The following VPS50 variants were observed in gnomAD, a reference collection of about 807,000 sequenced individuals.
VPS50 encodes the protein VPS50 subunit of EARP/GARPII complex, also known as syndetin.
Under a neutral mutation model 139.7 loss-of-function variants are expected in VPS50, and 70 were observed. The ratio of observed to expected loss-of-function variants is 0.50; its 90% CI spans 0.41 to 0.61. The LOEUF (loss-of-function observed/expected upper bound fraction) is 0.61. Among genes scored for constraint, VPS50 ranks in the 20% least tolerant of loss-of-function variants. The probability of loss-of-function intolerance (pLI) is 0.00; values close to 1 mark genes in which losing one functional copy is unlikely to be tolerated. For missense variants in VPS50, 921 were observed against 1,133.7 expected (o/e 0.81, Z 2.69); for synonymous variants, 365 against 376.7 (o/e 0.97, Z 0.36).
intron 2 of VPS50, among the ~76,000 whole-genome samples, chr7:93,245,183 T>A (rs1242187360): frequency 2.6e-5 from 4 of 151,770 alleles, no homozygotes; most frequent in Non-Finnish European, 1.5e-5. Context: ...TTAATTTTTT[T>A]AAGAAAGATT....
At position 93,296,826 on chromosome 7, in the gene VPS50, A is replaced by G. The variant is rs771862065; in HGVS notation, c.1252A>G (p.Ile418Val). Residue 418 changes from isoleucine (I) to valine (V), a missense_variant, in exon 15 of 28, where the codon ATA becomes GTA. Ile to Val is a conservative substitution (Grantham distance 29). This residue lies in a region of VPS50 where 744 missense variants were observed against 930.6 expected (regional missense o/e 0.80). Coordinates refer to ENST00000305866, the MANE Select transcript of VPS50 (RefSeq NM_017667.4). ...TGATGATTTCATCTTTGTTTTGGAT[A>G]TAATCAGCAGGTAGTATTTAAGATC... Reference protein sequence around the residue: ...KYDDFIFVLDIISRLMQVGEE... With the variant: ...KYDDFIFVLDVISRLMQVGEE... 2.5e-6 allele frequency: 4 copies of G among 1,600,386 alleles called. No individual in the cohort carries two copies. The Admixed American group carries it at 7.0e-5, about 28-fold the overall frequency.
At position 93,344,146 on chromosome 7, in the gene VPS50, A is replaced by T. The variant is rs536428498; in HGVS notation, c.2207+2571A>T. 7.0e-4 allele frequency among the ~76,000 whole-genome samples: 106 copies of T among 152,306 alleles called. 1 individual carries two copies. The highest frequency in any genetic ancestry group is 2.4e-3 in the African/African-American group (101 of 41,570). On this transcript the variant is annotated intron_variant, in intron 23 of 27. Coordinates refer to ENST00000305866, the MANE Select transcript of VPS50 (RefSeq NM_017667.4). ...AAGGATGGAGGAAGATCTACCAAGCAAATCGAAAACAAAAAAAGGCAGGGG... is the reference window on the plus strand; with the variant it reads ...AAGGATGGAGGAAGATCTACCAAGCTAATCGAAAACAAAAAAAGGCAGGGG...
intron 22 of VPS50, among the ~76,000 whole-genome samples, chr7:93,341,106 C>T (rs746303913): frequency 6.6e-6 from 1 of 152,148 alleles, no homozygotes; most frequent in Non-Finnish European, 1.5e-5. Context: ...CTCTCATTTA[C>T]AAGTTCTTGA....
intron 2 of VPS50, among the ~76,000 whole-genome samples, chr7:93,245,266 A>G (rs924004767): frequency 4.0e-5 from 6 of 151,740 alleles, no homozygotes; most frequent in Non-Finnish European, 7.4e-5. Flanking sequence ...ACAGGAACAT[A>G]AGGTATAGGA....
Position 93,239,945 on chromosome 7 carries a change from A to G in VPS50, c.102+11A>G, listed in dbSNP as rs775684563. On this transcript the variant is annotated intron_variant, in intron 2 of 27. Coordinates refer to ENST00000305866, the MANE Select transcript of VPS50 (RefSeq NM_017667.4). ...CGGGTCCCTGGAAAGGTATTGAGCT[A>G]CACGTGTGAGCGTGACTTTTTACTT... 3 of 1,533,504 alleles carry G rather than the reference A, an allele frequency of 2.0e-6. No individual in the cohort carries two copies. Among genetic ancestry groups the G allele is most frequent in the Non-Finnish European group, 2.7e-6 (3 of 1,107,842 alleles). 95.0% of individuals were successfully genotyped at this position (1,533,504 alleles called of 1,614,324 possible). A position where few individuals can be genotyped will look rare whatever the true frequency, so the allele number is the denominator to read the frequency against.
In VPS50 at chr7:93,261,029, T is replaced by G. The variant is rs376709251; in HGVS notation, c.659+1397T>G. Among the ~76,000 whole-genome samples the G allele has an allele frequency of 7.2e-5, 11 of 152,344 alleles. 1 individual carries two copies. The East Asian group carries it at 1.7e-3, about 24-fold the overall frequency. On this transcript the variant is annotated intron_variant, in intron 9 of 27. Transcript: ENST00000305866. ...CCATTTTGAGAGTGATTAACTGTCA[T>G]TAGTAGAAACTTGACGATGTCATTT...
rs369169965 is a variant in VPS50, at chr7:93,361,014, T to G, written c.*2578T>G. ...TTTAGCTGAGTGCTAAAGTGAAACT[T>G]TGTTAGATTAAATAGCTTTTTCTTA... On this transcript the variant is annotated 3_prime_UTR_variant, in exon 28 of 28. Transcript: ENST00000305866. The G allele has an allele frequency of 1.3e-4, 19 of 151,982 alleles. No individual in the cohort carries two copies. In the South Asian group the frequency reaches 3.9e-3, roughly 32 times the overall value. 9.4% of individuals were successfully genotyped at this position (151,982 alleles called of 1,614,324 possible).
At chr7:93,306,797 A>C (rs1169760008) in intron 18 of VPS50, among the ~76,000 whole-genome samples, 1 of 151,946 alleles carries the variant, frequency 6.6e-6, no homozygotes, top group Non-Finnish European at 1.5e-5. Flanking sequence ...GATGAAGCTA[A>C]AGTGAAAACC....
rs375200061 is a variant in VPS50, at chr7:93,259,532, T to C, written c.577-18T>C. The stretch of plus-strand genomic sequence containing the variant: ...AAAATGTTTCTATTCCAATGACTCC[T>C]GTTGTTGTTACCTTAAGGAGGAAGA... On this transcript the variant is annotated intron_variant, in intron 8 of 27. Transcript: ENST00000305866. 13 of 1,360,680 alleles carry C rather than the reference T, an allele frequency of 9.6e-6. No individual in the cohort carries two copies. Among genetic ancestry groups the C allele is most frequent in the Non-Finnish European group, 1.4e-5 (13 of 953,608 alleles). 84.3% of individuals were successfully genotyped at this position (1,360,680 alleles called of 1,614,324 possible). A position where few individuals can be genotyped will look rare whatever the true frequency, so the allele number is the denominator to read the frequency against.
In VPS50 at chr7:93,255,820, T is replaced by C. The variant is rs116791155; in HGVS notation, c.298-689T>C. Among the ~76,000 whole-genome samples, 1,248 of 152,282 alleles carry C rather than the reference T, an allele frequency of 8.2e-3. 23 individuals are homozygous for C. Among genetic ancestry groups the C allele is most frequent in the African/African-American group, 0.028 (1,170 of 41,572 alleles). ...CCTGGGGAAGGGGAGCCAGTTGTGT[T>C]TCTGGAGCAAACTCCCTAAATACCT... On this transcript the variant is annotated intron_variant, in intron 4 of 27. Transcript: ENST00000305866.
rs139765996 is a variant in VPS50 at position 93,263,070 on chromosome 7, GCT to G, written c.659+3441_659+3442del. Among the ~76,000 whole-genome samples the G allele has an allele frequency of 4.0e-3, 532 of 131,854 alleles. 4 individuals are homozygous for G. The highest frequency in any genetic ancestry group is 0.035 in the East Asian group (165 of 4,664). 86.5% of individuals were successfully genotyped at this position (131,854 alleles called of 152,430 possible). On this transcript the variant is annotated intron_variant, in intron 9 of 27. Transcript: ENST00000305866. ...TTTTCTGTGCGTTTTTCTTTCTTTT[GCT>G]CTGTTTCCTCTGGTCTTCCCAGTAC...
chr7:93,253,937 T>TA lies in VPS50; in HGVS notation c.297+16dup, dbSNP rs753583178. ...TGAAACAACAGCAAGCTGCAGTAAG[T>TA]AAAAAAAAAACACATTTCTTTCTGG... On this transcript the variant is annotated splice_region_variant and intron_variant, in intron 4 of 27. Transcript: ENST00000305866. 0.014 allele frequency: 19,641 copies of TA among 1,359,330 alleles called. No individual in the cohort carries two copies. Among genetic ancestry groups the TA allele is most frequent in the South Asian group, 0.019 (1,335 of 71,162 alleles). The allele number at this position is 1,359,330 out of a possible 1,614,324, so 84.2% of individuals were successfully genotyped here.
rs1795605291 is a variant in VPS50 at position 93,259,643 on chromosome 7, G to A, written c.659+11G>A. 7 of 1,472,798 alleles carry A rather than the reference G, an allele frequency of 4.8e-6. No homozygotes were observed. Among genetic ancestry groups the A allele is most frequent in the Non-Finnish European group, 5.7e-6 (6 of 1,054,940 alleles). The allele number at this position is 1,472,798 out of a possible 1,614,324, so 91.2% of individuals were successfully genotyped here. A position where few individuals can be genotyped will look rare whatever the true frequency, so the allele number is the denominator to read the frequency against. On this transcript the variant is annotated intron_variant, in intron 9 of 27. Transcript: ENST00000305866. ...TTACAGTTGTATAAGGTAAGGTCATGTAAATGTTTTAAAGCAGATTCTGTT... is the reference window on the plus strand; with the variant it reads ...TTACAGTTGTATAAGGTAAGGTCATATAAATGTTTTAAAGCAGATTCTGTT...
chr7:93,349,784 A>G (rs987433442), intron 24 of VPS50, 91 bp from the exon 25 acceptor site: 6 of 845,988 alleles, frequency 7.1e-6, no homozygotes, highest in South Asian at 2.0e-5. Context: ...ATTTTCAGAT[A>G]TGATATATAC....
chr7:93,334,923 T>G (rs1798032432), intron 22 of VPS50, among the ~76,000 whole-genome samples: 1 of 152,196 alleles, frequency 6.6e-6, no homozygotes, highest in Admixed American at 6.6e-5. Context: ...ACCCCAGGCT[T>G]CTCTGACTTT....
At chr7:93,265,572 T>C (rs1795816684) in intron 9 of VPS50, among the ~76,000 whole-genome samples, 1 of 152,070 alleles carries the variant, frequency 6.6e-6, no homozygotes, top group Non-Finnish European at 1.5e-5. Flanking sequence ...ATTTCTTTCT[T>C]TCTTTTTTTG....
rs66877653 is a variant in VPS50, at chr7:93,240,251, T to TCACACA, written c.102+318_102+319insACACAC. Among the ~76,000 whole-genome samples, 248 of 138,742 alleles carry TCACACA rather than the reference T, an allele frequency of 1.8e-3. 4 individuals carry two copies. The highest frequency in any genetic ancestry group is 0.016 in the Admixed American group (232 of 14,220). The allele number at this position is 138,742 out of a possible 152,430, so 91.0% of individuals were successfully genotyped here. ...CACACACACACACACACACACACACTCTCTCTCTCTCTCTCTCTCATTGAT... is the reference window on the plus strand; with the variant it reads ...CACACACACACACACACACACACACTCACACACTCTCTCTCTCTCTCTCTCATTGAT... On this transcript the variant is annotated intron_variant, in intron 2 of 27. Transcript: ENST00000305866.
At position 93,294,586 on chromosome 7, in the gene VPS50, C is replaced by T. The variant is rs764131075; in HGVS notation, c.1117C>T (p.Arg373Cys). 6.6e-5 allele frequency: 106 copies of T among 1,596,578 alleles called. No individual in the cohort carries two copies. The highest frequency in any genetic ancestry group is 7.9e-5 in the Non-Finnish European group (93 of 1,172,906). ...MIGTEETNFDRGYIKKKLEHG... is the reference protein window; with the variant it reads ...MIGTEETNFDCGYIKKKLEHG... ...AGGTACTGAAGAAACTAATTTTGAT[C>T]GTGGCTACATAAAAAAGAAATTAGA... Residue 373 changes from arginine to cysteine, a missense_variant, in exon 14 of 28, where the codon CGT becomes TGT. Physicochemically the swap from Arg to Cys is radical, Grantham distance 180. Coordinates refer to ENST00000305866, the MANE Select transcript of VPS50 (RefSeq NM_017667.4).
chr7:93,270,841 GAT>G (rs931244178), intron 9 of VPS50, among the ~76,000 whole-genome samples: 3 of 151,902 alleles, frequency 2.0e-5, no homozygotes, highest in Non-Finnish European at 4.4e-5. Flanking sequence ...ACTTGGGACA[GAT>G]AGAATAAAAA....
Sources: gnomAD v4.1 joint callset for allele counts (sites outside exome capture counted in the v4.1 genomes callset) on GRCh38, gnomAD v4.1.1 for gene constraint, gnomAD v4.1.1 regional missense constraint, MANE v1.5 for transcripts, NCBI Gene and HGNC (gene_info 2026-07-23, HGNC 2026-07-21) for gene names.